Variants in RPH3A observed in about 807,000 individuals in gnomAD.
The protein encoded by RPH3A is rabphilin-3A.
In RPH3A, 48 loss-of-function variants were observed where a neutral mutation model predicts 102.2. The observed-to-expected ratio is 0.47, with a 90% CI of 0.37 to 0.60. The LOEUF (loss-of-function observed/expected upper bound fraction) is 0.60. Ranked by LOEUF, RPH3A falls within the 20% of genes least tolerant of loss-of-function variation. The pLI, the probability that RPH3A is intolerant of heterozygous loss-of-function variation, is 0.00. For missense variants in RPH3A, 781 were observed against 910.1 expected (o/e 0.86, Z 1.83); for synonymous variants, 310 against 324.3 (o/e 0.96, Z 0.47).
intron 1 of RPH3A, among the ~76,000 whole-genome samples, chr12:112,655,587 T>C (rs2135999889): frequency 6.9e-6 from 1 of 145,396 alleles, no homozygotes; most frequent in East Asian, 2.0e-4. Flanking sequence ...TTTTTTTTTT[T>C]TTTGAGACAG....
chr12:112,585,155 C>A (rs1410172977), intron 1 of RPH3A, among the ~76,000 whole-genome samples: 1 of 152,140 alleles, frequency 6.6e-6, no homozygotes, highest in Admixed American at 6.5e-5. Flanking sequence ...CCAGTGTAGT[C>A]CTTCCACGTT....
chr12:112,864,740 C>T (rs922029881), intron 5 of RPH3A, among the ~76,000 whole-genome samples: 4 of 152,180 alleles, frequency 2.6e-5, no homozygotes, highest in Non-Finnish European at 5.9e-5. Context: ...CCAGGACATT[C>T]ATTTTCAAAG....
rs570695437 is a variant in RPH3A, at chr12:112,873,367, C to T, written c.797-1717C>T. Among the ~76,000 whole-genome samples the T allele has an allele frequency of 4.6e-5, 7 of 152,318 alleles. No homozygotes were observed. In the South Asian group the frequency reaches 1.4e-3, roughly 32 times the overall value. On this transcript the variant is annotated intron_variant, in intron 10 of 21. Coordinates refer to ENST00000389385, the MANE Select transcript of RPH3A (RefSeq NM_001143854.2). ...AACCCAGGCAGTTCACGTGCAGAGC[C>T]AATGCTCCTAGCTGGTCTGTTACAA...
At chr12:112,585,515 A>G (rs2039432663) in intron 1 of RPH3A, among the ~76,000 whole-genome samples, 1 of 152,178 alleles carries the variant, frequency 6.6e-6, no homozygotes, top group Admixed American at 6.5e-5. Flanking sequence ...CAGGTGGATC[A>G]CTTGAGGTCA....
rs979760283 is a variant in RPH3A at position 112,752,812 on chromosome 12, T to C, written c.-139-39331T>C. On this transcript the variant is annotated intron_variant, in intron 1 of 21. Transcript: ENST00000543106. ...ATAGGGCCATGCTTTATAGACTTCC[T>C]TGCGACTTGCTTTTTTCATTTTGCA... Among the ~76,000 whole-genome samples the C allele has an allele frequency of 2.6e-5, 4 of 152,168 alleles. No individual in the cohort carries two copies. In the East Asian group the frequency reaches 5.8e-4, roughly 22 times the overall value.
At chr12:112,670,293 G>A (rs1261707901) in intron 1 of RPH3A, among the ~76,000 whole-genome samples, 1 of 151,948 alleles carries the variant, frequency 6.6e-6, no homozygotes, top group Non-Finnish European at 1.5e-5. Flanking sequence ...AGTGATTCTT[G>A]TGCCTCCACC....
chr12:112,728,005 G>A (rs747430893), intron 1 of RPH3A, among the ~76,000 whole-genome samples: 1 of 152,172 alleles, frequency 6.6e-6, no homozygotes, highest in Non-Finnish European at 1.5e-5. Flanking sequence ...ACCTACTGAA[G>A]AAGAGGAAAA....
chr12:112,701,661 T>G (rs893274652), intron 1 of RPH3A, among the ~76,000 whole-genome samples: 1 of 152,224 alleles, frequency 6.6e-6, no homozygotes, highest in Non-Finnish European at 1.5e-5. Context: ...GATGTTATGG[T>G]TTAGCTCAAT....
intron 1 of RPH3A, among the ~76,000 whole-genome samples, chr12:112,679,281 G>C (rs1316977919): frequency 6.6e-6 from 1 of 152,052 alleles, no homozygotes; most frequent in Non-Finnish European, 1.5e-5. Flanking sequence ...AGCCTCCCGA[G>C]TAGCTGAGAC....
intron 1 of RPH3A, among the ~76,000 whole-genome samples, chr12:112,586,987 G>T (rs2039444022): frequency 6.6e-6 from 1 of 152,132 alleles, no homozygotes; most frequent in South Asian, 2.1e-4. Context: ...GTCTCTTCTT[G>T]GATTAGGAAT....
intron 1 of RPH3A, among the ~76,000 whole-genome samples, chr12:112,678,239 A>C (rs2040195761): frequency 1.1e-4 from 1 of 8,980 alleles, no homozygotes; most frequent in Non-Finnish European, 1.9e-4. Context: ...TGTCGAAAGA[A>C]AGAAAGAAAG....
chr12:112,880,044 T>G (rs569497074), intron 14 of RPH3A, among the ~76,000 whole-genome samples: 6 of 152,340 alleles, frequency 3.9e-5, no homozygotes, highest in African/African-American at 1.4e-4. Flanking sequence ...AATAATTAAT[T>G]GCTTCCTTTT....
intron 11 of RPH3A, 57 bp from the exon 12 acceptor site, chr12:112,875,622 C>A: frequency 1.4e-6 from 2 of 1,452,964 alleles, no homozygotes; most frequent in South Asian, 1.1e-5. Flanking sequence ...AAAGGTGAAC[C>A]CCCAAATGAT....
Position 112,847,810 on chromosome 12 carries a change from G to A in RPH3A, c.198G>A (p.Glu66=). The change falls in exon 5 of 22, where the codon GAG becomes GAA. Residue 66 remains glutamate (E), a synonymous_variant. Transcript: ENST00000389385. ...EIINRVIARA[E]KMEEMEQERI... ...TCAACAGGGTGATTGCTCGAGCTGA[G>A]AAAATGGAAGAGATGGAGCAGGAGC... 1 of 1,614,222 alleles carries A rather than the reference G, an allele frequency of 6.2e-7. No homozygotes were observed. The highest frequency in any genetic ancestry group is 8.5e-7 in the Non-Finnish European group (1 of 1,180,038).
intron 5 of RPH3A, among the ~76,000 whole-genome samples, chr12:112,855,901 G>C (rs2136202502): frequency 6.6e-6 from 1 of 152,178 alleles, no homozygotes. Flanking sequence ...GAGACAGAGA[G>C]AGAGAGAGAA....
At chr12:112,576,218 G>A (rs913433235) in intron 1 of RPH3A, among the ~76,000 whole-genome samples, 1 of 152,204 alleles carries the variant, frequency 6.6e-6, no homozygotes, top group African/African-American at 2.4e-5. Flanking sequence ...GGCGGCTCCA[G>A]AGTCCTGACT....
At chr12:112,709,178 G>A (rs1332824414) in intron 1 of RPH3A, among the ~76,000 whole-genome samples, 1 of 152,184 alleles carries the variant, frequency 6.6e-6, no homozygotes, top group Admixed American at 6.5e-5. Context: ...ACTAGGTGTT[G>A]AAAAAGTGAG....
In RPH3A at chr12:112,881,637, C is replaced by A; in HGVS notation, c.1252-135C>A. ...CTTTCCATGATACTGCATTTCCCTT[C>A]TCTCTCTTTGGAGGAGGAAGCACAC... On this transcript the variant is annotated intron_variant, in intron 14 of 21. Transcript: ENST00000389385. 8 of 571,100 alleles carry A rather than the reference C, an allele frequency of 1.4e-5. No homozygotes were observed. The South Asian group carries it at 2.3e-4, about 16-fold the overall frequency. The allele number at this position is 571,100 out of a possible 1,614,324, so 35.4% of individuals were successfully genotyped here.
chr12:112,612,176 G>A (rs1026174821), intron 1 of RPH3A, among the ~76,000 whole-genome samples: 8 of 152,332 alleles, frequency 5.3e-5, no homozygotes, highest in African/African-American at 1.7e-4. Flanking sequence ...TTTTGGGGGG[G>A]TGGGCTATTC....
Sources: gnomAD v4.1 joint callset for allele counts (sites outside exome capture counted in the v4.1 genomes callset) on GRCh38, gnomAD v4.1.1 for gene constraint, MANE v1.5 for transcripts, NCBI Gene and HGNC (gene_info 2026-07-23, HGNC 2026-07-21) for gene names.